The following MOB1A variants were observed in gnomAD, a reference collection of about 807,000 sequenced individuals.
The protein encoded by MOB1A is MOB1 Mps One Binder homolog A.
Under a neutral mutation model 25.1 loss-of-function variants are expected in MOB1A, and 10 were observed. The ratio of observed to expected loss-of-function variants is 0.40; its 90% confidence interval spans 0.25 to 0.68. The LOEUF (loss-of-function observed/expected upper bound fraction) is 0.68, where lower values mean the gene tolerates loss of function less well. MOB1A is among the 30% of genes least tolerant of loss of function. The pLI is 0.40. For synonymous variants in MOB1A, 81 were observed against 79.5 expected (o/e 1.02, Z -0.10); for missense variants, 177 against 256.3 (o/e 0.69, Z 2.11).
chr2:74,158,202 G>GA (rs11394713), intron 5 of MOB1A, among the ~76,000 whole-genome samples: 53,612 of 135,790 alleles, frequency 0.39, 10,701 homozygotes, highest in Middle Eastern at 0.46. Flanking sequence ...AAAGAGGGGG[G>GA]AAAAAAAAAA....
At chr2:74,173,387 T>G (rs948468266) in intron 1 of MOB1A, among the ~76,000 whole-genome samples, 3 of 145,688 alleles carry the variant, frequency 2.1e-5, no homozygotes, top group East Asian at 2.0e-4. Flanking sequence ...TTTTTTTTTT[T>G]TTTTTTTTTT....
chr2:74,169,112 A>AT (rs775284322), intron 2 of MOB1A, among the ~76,000 whole-genome samples: 3 of 152,234 alleles, frequency 2.0e-5, no homozygotes, highest in Non-Finnish European at 4.4e-5. Flanking sequence ...ATATAAAACA[A>AT]TGCCATACTT....
Position 74,154,902 on chromosome 2 carries a change from A to G in MOB1A, c.*1666T>C, listed in dbSNP as rs2103679969. 6.6e-6 allele frequency: 1 copy of G among 152,294 alleles called. No homozygotes were observed. The highest frequency in any genetic ancestry group is 6.5e-5 in the Admixed American group (1 of 15,292). 9.4% of individuals were successfully genotyped at this position (152,294 alleles called of 1,614,324 possible). On this transcript the variant is annotated 3_prime_UTR_variant, in exon 6 of 6. Transcript: ENST00000396049. ...ACTTTAATTCCTCAATGATATGTGG[A>G]TGCTAACTAAATCAGATGAAATGTT...
At chr2:74,169,406 G>T (rs1340982936) in intron 2 of MOB1A, among the ~76,000 whole-genome samples, 1 of 152,110 alleles carries the variant, frequency 6.6e-6, no homozygotes, top group African/African-American at 2.4e-5. Context: ...GGAGACTGAG[G>T]TGGGAGAACT....
Position 74,156,561 on chromosome 2 carries a change from G to T in MOB1A, c.*7C>A. 3 of 1,544,700 alleles carry T rather than the reference G, an allele frequency of 1.9e-6. No homozygotes were observed. The highest frequency in any genetic ancestry group is 1.8e-6 in the Non-Finnish European group (2 of 1,140,348). On this transcript the variant is annotated 3_prime_UTR_variant, in exon 6 of 6. Transcript: ENST00000396049. The stretch of plus-strand genomic sequence containing the variant: ...GCAAGGGGGTAACTGTGTTCTAGAA[G>T]AAACATTTATCTGTCTTTTGATCCA...
chr2:74,161,721 T>C (rs987062181), intron 4 of MOB1A, among the ~76,000 whole-genome samples: 1 of 151,036 alleles, frequency 6.6e-6, no homozygotes, highest in African/African-American at 2.4e-5. Flanking sequence ...TTTGGGAGAC[T>C]GAAGCAGAAA....
chr2:74,167,417 G>A (rs993205961), intron 2 of MOB1A, among the ~76,000 whole-genome samples: 10 of 152,034 alleles, frequency 6.6e-5, no homozygotes, highest in Non-Finnish European at 4.4e-5. Context: ...AGCTAATTTT[G>A]TTTTGGTATT....
At chr2:74,174,621 T>A (rs1006579161) in intron 1 of MOB1A, among the ~76,000 whole-genome samples, 12 of 152,244 alleles carry the variant, frequency 7.9e-5, no homozygotes, top group Admixed American at 2.0e-4. Context: ...TTTATTCCTA[T>A]CTCACACCAT....
At chr2:74,170,800 A>G (rs1693272375) in intron 2 of MOB1A, among the ~76,000 whole-genome samples, 1 of 150,412 alleles carries the variant, frequency 6.6e-6, no homozygotes, top group Admixed American at 6.7e-5. Context: ...GTGAGGTGGG[A>G]GGATCACTTG....
intron 2 of MOB1A, among the ~76,000 whole-genome samples, chr2:74,168,727 T>C (rs1417665388): frequency 6.6e-6 from 1 of 152,138 alleles, no homozygotes; most frequent in East Asian, 1.9e-4. Flanking sequence ...AACAAATAGA[T>C]TTTTTTAAAA....
chr2:74,158,194 A>AAAAAAGGG (rs1553444306), intron 5 of MOB1A, among the ~76,000 whole-genome samples: 1 of 94,374 alleles, frequency 1.1e-5, no homozygotes, highest in African/African-American at 6.7e-5. Context: ...AAAAAAAAAA[A>AAAAAAGGG]GAGGGGGGAA....
intron 2 of MOB1A, among the ~76,000 whole-genome samples, chr2:74,168,269 T>G (rs1308581674): frequency 2.6e-5 from 4 of 152,212 alleles, no homozygotes; most frequent in Non-Finnish European, 5.9e-5. Context: ...GAGCTTCAGC[T>G]AGATCCAGAA....
intron 4 of MOB1A, among the ~76,000 whole-genome samples, chr2:74,161,446 A>C (rs556217415): frequency 6.2e-4 from 94 of 152,002 alleles, no homozygotes; most frequent in African/African-American, 2.2e-3. Context: ...GATCGAGACC[A>C]TCCTGGCTAA....
intron 1 of MOB1A, chr2:74,177,989 A>C (rs923998970): frequency 1.3e-5 from 2 of 150,068 alleles, no homozygotes; most frequent in African/African-American, 5.0e-5. Flanking sequence ...TAAAATGGCA[A>C]TACTGTGTTT....
At chr2:74,169,392 C>T (rs1450147480) in intron 2 of MOB1A, among the ~76,000 whole-genome samples, 1 of 152,082 alleles carries the variant, frequency 6.6e-6, no homozygotes, top group Non-Finnish European at 1.5e-5. Flanking sequence ...ATCCCAGCTA[C>T]TCTGGAGACT....
intron 5 of MOB1A, among the ~76,000 whole-genome samples, chr2:74,156,974 G>A (rs553753543): frequency 1.3e-5 from 2 of 151,440 alleles, no homozygotes; most frequent in African/African-American, 4.8e-5. Flanking sequence ...ATGATATTGT[G>A]ATATAAGTAT....
At chr2:74,161,573 C>T (rs1439044732) in intron 4 of MOB1A, among the ~76,000 whole-genome samples, 4 of 151,212 alleles carry the variant, frequency 2.6e-5, no homozygotes, top group African/African-American at 4.9e-5. Context: ...GGCGTGAACC[C>T]GGGAGGCGGA....
chr2:74,163,750 A>G (rs1461552781), intron 4 of MOB1A, among the ~76,000 whole-genome samples: 3 of 152,234 alleles, frequency 2.0e-5, no homozygotes, highest in Admixed American at 6.5e-5. Flanking sequence ...AATAAAATTA[A>G]GAAACTTGAA....
intron 4 of MOB1A, among the ~76,000 whole-genome samples, chr2:74,160,318 T>C (rs1237624946): frequency 6.6e-6 from 1 of 151,932 alleles, no homozygotes; most frequent in Non-Finnish European, 1.5e-5. Flanking sequence ...TAAAACCTCA[T>C]CCCTTAGGAA....
Sources: allele counts gnomAD v4.1 joint callset (sites outside exome capture counted in the v4.1 genomes callset), GRCh38; gene constraint gnomAD v4.1.1; transcripts MANE v1.5; gene names NCBI Gene and HGNC (gene_info 2026-07-23, HGNC 2026-07-21).